CC2D2A: variants seen among roughly 807,000 people sequenced by gnomAD.
The protein encoded by CC2D2A is coiled-coil and C2 domain-containing protein 2A.
In CC2D2A, 155 loss-of-function variants were observed where a neutral mutation model predicts 212.9. The ratio of observed to expected loss-of-function variants is 0.73; its 90% CI spans 0.64 to 0.83. The LOEUF (loss-of-function observed/expected upper bound fraction) is 0.83, where lower values mean the gene tolerates loss of function less well. CC2D2A is among the 40% of genes least tolerant of loss of function. CC2D2A has a pLI of 0.00. For synonymous variants in CC2D2A, 667 were observed against 686.5 expected (o/e 0.97, Z 0.44); for missense variants, 1,856 against 1,956.2 (o/e 0.95, Z 0.97).
chr4:15,517,441 C>T (rs1257644291), intron 11 of CC2D2A, among the ~76,000 whole-genome samples: 2 of 152,122 alleles, frequency 1.3e-5, no homozygotes, highest in Non-Finnish European at 2.9e-5. Context: ...AGTTTCTATC[C>T]TTGCAAATCC....
At chr4:15,514,075 T>C (rs1211248902) in intron 8 of CC2D2A, among the ~76,000 whole-genome samples, 1 of 152,192 alleles carries the variant, frequency 6.6e-6, no homozygotes, top group African/African-American at 2.4e-5. Context: ...AATCAATATA[T>C]GTCAGCTAAC....
Position 15,502,293 on chromosome 4 carries a change from T to C in CC2D2A, c.248-136T>C, listed in dbSNP as rs1487445845. The C allele has an allele frequency of 7.2e-6, 5 of 690,412 alleles. No homozygotes were observed. The East Asian group carries it at 1.4e-4, about 19-fold the overall frequency. The allele number at this position is 690,412 out of a possible 1,614,324, so 42.8% of individuals were successfully genotyped here. ...TATGTGAAGTTCTAAATGTGCAAAA[T>C]AAAATTATGTTCTCTTATTTCTTTT... On this transcript the variant is annotated intron_variant, in intron 4 of 36. Coordinates refer to ENST00000424120, the MANE Select transcript of CC2D2A (RefSeq NM_001378615.1).
intron 6 of CC2D2A, among the ~76,000 whole-genome samples, chr4:15,504,447 G>T (rs1716142765): frequency 6.6e-6 from 1 of 152,142 alleles, no homozygotes; most frequent in Non-Finnish European, 1.5e-5. Flanking sequence ...ATTTTGGCGG[G>T]CATATGAGGC....
rs754909098 is a variant in CC2D2A, at chr4:15,599,624, T to C, written c.4592T>C (p.Leu1531Ser). Residue 1531 changes from leucine (L) to serine (S), a missense_variant, in exon 36 of 37, where the codon TTG becomes TCG. By Grantham distance (145) the Leu-to-Ser change is moderately radical (BLOSUM62 -2). Around this residue, in one of 5 missense-constraint regions of CC2D2A, gnomAD observed 285 missense variants for 278.4 expected, o/e 1.02. Coordinates refer to ENST00000424120, the MANE Select transcript of CC2D2A (RefSeq NM_001378615.1). ...TGTACCTCTACTCTGCGTCACTTCT[T>C]GCCTCTGTTAGAAAAAAGTCAAGGA... ...RYCTSTLRHF[L>S]PLLEKSQGED... 1 of 1,613,536 alleles carries C rather than the reference T, an allele frequency of 6.2e-7. No homozygotes were observed. The highest frequency in any genetic ancestry group is 8.5e-7 in the Non-Finnish European group (1 of 1,179,552).
In CC2D2A at chr4:15,529,565, C is replaced by A; in HGVS notation, c.1466+839C>A. 1.3e-5 allele frequency among the ~76,000 whole-genome samples: 2 copies of A among 152,066 alleles called. 1 individual carries two copies. The highest frequency in any genetic ancestry group is 3.8e-4 in the East Asian group (2 of 5,196). On this transcript the variant is annotated intron_variant, in intron 13 of 36. Coordinates refer to ENST00000424120, the MANE Select transcript of CC2D2A (RefSeq NM_001378615.1). ...ATTCTGCAACTTGCTTCTTTATATA[C>A]AATGCATCTTAGACATTTTCCTGTT...
intron 31 of CC2D2A, among the ~76,000 whole-genome samples, chr4:15,586,672 C>G (rs977693266): frequency 3.0e-4 from 45 of 152,136 alleles, no homozygotes; most frequent in Non-Finnish European, 7.4e-5. Context: ...AGATGCTGTA[C>G]TAAATTCTGG....
intron 11 of CC2D2A, among the ~76,000 whole-genome samples, 177 bp downstream of exon 11, chr4:15,516,933 A>G (rs1716908222): frequency 6.7e-6 from 1 of 149,998 alleles, no homozygotes; most frequent in Admixed American, 6.7e-5. Flanking sequence ...ATTATACTCA[A>G]TGCATCCCTT....
chr4:15,579,952 G>A lies in CC2D2A; in HGVS notation c.3772-16G>A. 1.9e-6 allele frequency: 3 copies of A among 1,600,374 alleles called. No individual in the cohort carries two copies. The highest frequency in any genetic ancestry group is 2.2e-5 in the South Asian group (2 of 90,710). On this transcript the variant is annotated splice_polypyrimidine_tract_variant and intron_variant, in intron 29 of 36. Coordinates refer to ENST00000424120, the MANE Select transcript of CC2D2A (RefSeq NM_001378615.1). ...TGTAATCATACATAAACTCCATGAAGTCTTTCTTTTTGAAGTTTGAGTCTC... is the reference window on the plus strand; with the variant it reads ...TGTAATCATACATAAACTCCATGAAATCTTTCTTTTTGAAGTTTGAGTCTC...
rs1194468917 is a variant in CC2D2A at position 15,567,483 on chromosome 4, G to A, written c.3288+1G>A. On this transcript the variant is annotated splice_donor_variant, in intron 25 of 36. Coordinates refer to ENST00000424120, the MANE Select transcript of CC2D2A (RefSeq NM_001378615.1). LOFTEE classifies it high-confidence loss of function. ...CAATGCTGACTACCCCCTCGGCCAG[G>A]TGAGAGATGCTGGACTTCAGCTTTC... 1 of 1,610,836 alleles carries A rather than the reference G, an allele frequency of 6.2e-7. No individual in the cohort carries two copies. The highest frequency in any genetic ancestry group is 8.5e-7 in the Non-Finnish European group (1 of 1,178,454).
rs1717456451 is a variant in CC2D2A, at chr4:15,525,463, GA to G, written c.1150-1983del. On this transcript the variant is annotated intron_variant, in intron 11 of 36. Transcript: ENST00000424120. ...ATAAAACACAGAGTGGTCACATGGA[GA>G]TTAAAAACTAATAATACTAATGCAG... Among the ~76,000 whole-genome samples the G allele has an allele frequency of 2.0e-5, 3 of 152,106 alleles. No homozygotes were observed. The South Asian group carries it at 6.2e-4, about 31-fold the overall frequency.
chr4:15,566,604 C>T (rs762746961), intron 24 of CC2D2A, among the ~76,000 whole-genome samples: 1 of 152,118 alleles, frequency 6.6e-6, no homozygotes, highest in Non-Finnish European at 1.5e-5. Flanking sequence ...ACTAAAAAGC[C>T]TTCTGCAATG....
chr4:15,565,134 C>T (rs1367538484), intron 24 of CC2D2A, among the ~76,000 whole-genome samples: 3 of 152,250 alleles, frequency 2.0e-5, no homozygotes, highest in South Asian at 4.1e-4. Context: ...CCTGAGCTCA[C>T]AGCCTACCCT....
rs886059186 is a variant in CC2D2A, at chr4:15,601,250, C to G, written c.4688C>G (p.Pro1563Arg). Residue 1563 changes from proline (P) to arginine (R), a missense_variant, in exon 37 of 37, where the codon CCT (proline) becomes CGT (arginine). Transcript: ENST00000424120. ...QLGDYRFSGF[P>R]LHMPYSEVKP... ...TTTTCCCTTCAGTTCTCTGGATTTC[C>G]TCTTCACATGCCTTATTCTGAAGTG... 8.7e-6 allele frequency: 14 copies of G among 1,612,404 alleles called. No individual in the cohort carries two copies. Among genetic ancestry groups the G allele is most frequent in the Non-Finnish European group, 1.2e-5 (14 of 1,179,104 alleles).
At chr4:15,550,076 C>G (rs981874746) in intron 17 of CC2D2A, among the ~76,000 whole-genome samples, 4 of 152,144 alleles carry the variant, frequency 2.6e-5, no homozygotes, top group Non-Finnish European at 5.9e-5. Flanking sequence ...TGTCATATTG[C>G]CACAAAAGTG....
chr4:15,554,305 C>T (rs553031090), intron 19 of CC2D2A, among the ~76,000 whole-genome samples: 1 of 152,218 alleles, frequency 6.6e-6, no homozygotes, highest in Non-Finnish European at 1.5e-5. Context: ...AAAGCCCCAG[C>T]TCAACCTTGC....
In CC2D2A at chr4:15,502,813, A is replaced by G; in HGVS notation, c.337-9A>G. ...TCATGTAGCAGTAAATTTCTGTTTG[A>G]CTTTTTAGTCCAAAGCAGAAAGTGC... On this transcript the variant is annotated splice_polypyrimidine_tract_variant and intron_variant, in intron 5 of 36. Coordinates refer to ENST00000424120, the MANE Select transcript of CC2D2A (RefSeq NM_001378615.1). The G allele has an allele frequency of 1.2e-6, 2 of 1,602,786 alleles. No homozygotes were observed. Among genetic ancestry groups the G allele is most frequent in the South Asian group, 2.3e-5 (2 of 88,658 alleles).
At chr4:15,491,194 C>T (rs534053068) in intron 4 of CC2D2A, among the ~76,000 whole-genome samples, 6 of 152,284 alleles carry the variant, frequency 3.9e-5, no homozygotes, top group South Asian at 2.1e-4. Flanking sequence ...GTGGCTGCAT[C>T]ATTTTACTTT....
chr4:15,520,379 C>T (rs142150365), intron 11 of CC2D2A, among the ~76,000 whole-genome samples: 1 of 152,126 alleles, frequency 6.6e-6, no homozygotes, highest in African/African-American at 2.4e-5. Context: ...GACAAAAATA[C>T]ATAATACAAT....
At chr4:15,529,918 G>A (rs923633868) in intron 13 of CC2D2A, among the ~76,000 whole-genome samples, 4 of 145,800 alleles carry the variant, frequency 2.7e-5, no homozygotes, top group Non-Finnish European at 6.0e-5. Flanking sequence ...TTATTATTAA[G>A]TTTTAGGGTA....
Sources: gnomAD v4.1 joint callset for allele counts (sites outside exome capture counted in the v4.1 genomes callset) on GRCh38, gnomAD v4.1.1 for gene constraint, gnomAD v4.1.1 regional missense constraint, MANE v1.5 for transcripts, NCBI Gene and HGNC (gene_info 2026-07-23, HGNC 2026-07-21) for gene names.